C4orf50: variants seen among roughly 807,000 people sequenced by gnomAD.
C4orf50 encodes chromosome 4 open reading frame 50, also known as uncharacterized protein C4orf50.
In C4orf50, 80 loss-of-function variants were observed where a neutral mutation model predicts 77.2. That is an observed-to-expected ratio of 1.04 (90% CI 0.87 to 1.25). The LOEUF (loss-of-function observed/expected upper bound fraction) is 1.25. Among genes scored for constraint, C4orf50 ranks in the 50% most tolerant of loss-of-function variants. The probability of loss-of-function intolerance (pLI) is 0.00; values close to 1 mark genes in which losing one functional copy is unlikely to be tolerated. For missense variants in C4orf50, 1,257 were observed against 1,152.9 expected (o/e 1.09, Z -1.31); for synonymous variants, 532 against 465.3 (o/e 1.14, Z -1.84).
chr4:5,943,021 T>C (rs144700080), intron 7 of C4orf50, among the ~76,000 whole-genome samples: 349 of 152,282 alleles, frequency 2.3e-3, no homozygotes, highest in African/African-American at 7.8e-3. Flanking sequence ...TTAAAATATG[T>C]TTCTTTCTCT....
intron 25 of C4orf50, among the ~76,000 whole-genome samples, chr4:6,001,093 T>G (rs116048940): frequency 0.019 from 2,934 of 152,192 alleles, 99 homozygotes; most frequent in African/African-American, 0.068. Flanking sequence ...CTAACCTGGT[T>G]TTTCAAGGGC....
At chr4:5,938,152 G>A (rs945580368) in intron 7 of C4orf50, among the ~76,000 whole-genome samples, 3 of 152,102 alleles carry the variant, frequency 2.0e-5, no homozygotes, top group African/African-American at 7.2e-5. Flanking sequence ...ATGGAACATT[G>A]CCAAATGCAG....
intron 25 of C4orf50, among the ~76,000 whole-genome samples, chr4:6,004,210 TG>T (rs373883214): frequency 0.02 from 1,299 of 63,726 alleles, 19 homozygotes; most frequent in East Asian, 0.072. Flanking sequence ...ATGGTGATGA[TG>T]GTGATGGTGA....
intron 29 of C4orf50, among the ~76,000 whole-genome samples, chr4:5,979,608 C>T (rs1250148142): frequency 6.6e-6 from 1 of 152,222 alleles, no homozygotes; most frequent in African/African-American, 2.4e-5. Flanking sequence ...AGAAATAATA[C>T]AGAGCCCTCT....
At chr4:5,962,505 AG>A (rs1205638228) in intron 33 of C4orf50, among the ~76,000 whole-genome samples, 1 of 152,208 alleles carries the variant, frequency 6.6e-6, no homozygotes, top group Non-Finnish European at 1.5e-5. Context: ...CAGACATTAG[AG>A]GGTTTGTTCT....
At chr4:5,986,534 C>T (rs984276676) in intron 28 of C4orf50, among the ~76,000 whole-genome samples, 1 of 134,170 alleles carries the variant, frequency 7.5e-6, no homozygotes, top group African/African-American at 2.9e-5. Flanking sequence ...GCTATAACAA[C>T]GTCATTTTTT....
intron 33 of C4orf50, among the ~76,000 whole-genome samples, chr4:5,962,635 C>T (rs1719334237): frequency 6.6e-6 from 1 of 152,230 alleles, no homozygotes; most frequent in African/African-American, 2.4e-5. Context: ...AGGGCCAGCT[C>T]CGGAGCCAGG....
intron 33 of C4orf50, among the ~76,000 whole-genome samples, chr4:5,960,559 A>C (rs1395310670): frequency 1.3e-5 from 2 of 152,224 alleles, no homozygotes; most frequent in Non-Finnish European, 2.9e-5. Context: ...GGCGATCACT[A>C]TGTGCCAAGC....
At chr4:5,998,326 G>A (rs1721685745) in intron 25 of C4orf50, among the ~76,000 whole-genome samples, 1 of 152,064 alleles carries the variant, frequency 6.6e-6, no homozygotes, top group South Asian at 2.1e-4. Flanking sequence ...TTATTTGCAT[G>A]TTCATCCCTT....
intron 23 of C4orf50, among the ~76,000 whole-genome samples, chr4:6,016,522 C>T (rs997537991): frequency 2.0e-5 from 3 of 152,144 alleles, no homozygotes; most frequent in Non-Finnish European, 4.4e-5. Flanking sequence ...TCACTCCAGC[C>T]TGGGTGACAG....
At chr4:5,975,909 G>C in exon 30 of C4orf50, 1 of 1,612,640 alleles carries the variant, frequency 6.2e-7, no homozygotes, top group Non-Finnish European at 8.5e-7. Flanking sequence ...CTTCAGGGGA[G>C]TCACTGCCAA....
chr4:5,910,773 C>A (rs1716768062), intron 7 of C4orf50, among the ~76,000 whole-genome samples: 1 of 152,128 alleles, frequency 6.6e-6, no homozygotes, highest in Admixed American at 6.5e-5. Flanking sequence ...AAGTCCCTGC[C>A]CTCAGGTGCT....
At chr4:5,973,807 T>A in exon 31 of C4orf50, 4 of 1,613,040 alleles carry the variant, frequency 2.5e-6, no homozygotes, top group Non-Finnish European at 3.4e-6. Context: ...GCGGTTCCTC[T>A]CCCGGCACTT....
intron 7 of C4orf50, among the ~76,000 whole-genome samples, chr4:5,933,792 G>A (rs1170280050): frequency 1.3e-5 from 2 of 152,162 alleles, no homozygotes; most frequent in Non-Finnish European, 1.5e-5. Flanking sequence ...CTGCACTGAC[G>A]CACCCCTGGG....
intron 7 of C4orf50, among the ~76,000 whole-genome samples, chr4:5,951,519 A>T (rs1178182905): frequency 6.6e-6 from 1 of 152,182 alleles, no homozygotes; most frequent in Non-Finnish European, 1.5e-5. Context: ...TCAGAGAATA[A>T]CCTTCATGAG....
chr4:5,992,314 G>C lies in C4orf50; in HGVS notation c.1221+489C>G, dbSNP rs1055499790. On this transcript the variant is annotated intron_variant, in intron 27 of 33. Coordinates refer to ENST00000531445, the Ensembl canonical transcript of C4orf50. This position sits in a 1 kb window ranked among gnomAD's most constrained non-coding sequence, Gnocchi z 5.0. The stretch of plus-strand genomic sequence containing the variant: ...CTCTGTTCCTCAGGGATGAGAAAAT[G>C]GAAGTGGAGAAAGGTTACGACTGCC... Among the ~76,000 whole-genome samples, 2 of 152,158 alleles carry C rather than the reference G, an allele frequency of 1.3e-5. No individual in the cohort carries two copies. The highest frequency in any genetic ancestry group is 2.9e-5 in the Non-Finnish European group (2 of 68,026).
In C4orf50 at chr4:6,000,990, A is replaced by C. The variant is rs1012916963; in HGVS notation, c.964-6514T>G. Among the ~76,000 whole-genome samples the C allele has an allele frequency of 6.6e-6, 1 of 152,156 alleles. No homozygotes were observed. The highest frequency in any genetic ancestry group is 1.5e-5 in the Non-Finnish European group (1 of 68,044). ...TGGCAGGAGAGCCCACCTCCACCGG[A>C]AGTTAGAGCAAGTGATACCAGAAAC... On this transcript the variant is annotated intron_variant, in intron 25 of 33. Transcript: ENST00000531445. This position sits in a 1 kb window ranked among gnomAD's most constrained non-coding sequence, Gnocchi z 6.0.
At chr4:5,965,271 C>T (rs1457143784) in intron 32 of C4orf50, 126 bp from the exon 11 acceptor site, 3 of 1,007,334 alleles carry the variant, frequency 3.0e-6, no homozygotes, top group African/African-American at 1.7e-5. Context: ...AGTTTCCATG[C>T]CCCGGGGCAG....
At chr4:5,956,909 T>A (rs539297590), downstream of C4orf50, 1 of 152,272 alleles carries the variant, frequency 6.6e-6, no homozygotes, top group Non-Finnish European at 1.5e-5. Context: ...ACCTACTGGG[T>A]TGCCAGAGCA....
Sources: allele counts gnomAD v4.1 joint callset (sites outside exome capture counted in the v4.1 genomes callset), GRCh38; gene constraint gnomAD v4.1.1; non-coding constraint Gnocchi (gnomAD v3.1); transcripts MANE v1.5; gene names NCBI Gene and HGNC (gene_info 2026-07-23, HGNC 2026-07-21).